Variants in LBHD1 observed in about 807,000 individuals in gnomAD.
LBHD1 encodes the protein LBH domain containing 1.
LBHD1 carries 28 observed loss-of-function variants against 31.1 expected under a neutral mutation model. The ratio of observed to expected loss-of-function variants is 0.90; its 90% CI spans 0.67 to 1.24. LBHD1 has a LOEUF of 1.24. Among genes scored for constraint, LBHD1 ranks in the 50% most tolerant of loss-of-function variants. The pLI, the probability that LBHD1 is intolerant of heterozygous loss-of-function variation, is 0.00. For synonymous variants in LBHD1, 105 were observed against 116.5 expected, an observed-to-expected ratio of 0.90 and a Z score of 0.63; for missense variants, 350 against 323.0, an observed-to-expected ratio of 1.08 and a Z score of -0.64.
In LBHD1 at chr11:62,662,831, C is replaced by T; in HGVS notation, c.*298G>A. On this transcript the variant is annotated 3_prime_UTR_variant, in exon 7 of 7. Coordinates refer to ENST00000354588, the MANE Select transcript of LBHD1 (RefSeq NM_024099.5). The stretch of plus-strand genomic sequence containing the variant: ...TCACACACATCTCAGAGTGCTAGGG[C>T]TTTATTACAAATGGAGTTGACTGCT... 1.8e-6 allele frequency: 1 copy of T among 559,102 alleles called. No homozygotes were observed. The highest frequency in any genetic ancestry group is 3.1e-6 in the Non-Finnish European group (1 of 318,208). 34.6% of individuals were successfully genotyped at this position (559,102 alleles called of 1,614,324 possible). A position where few individuals can be genotyped will look rare whatever the true frequency, so the allele number is the denominator to read the frequency against.
intron 4 of LBHD1, chr11:62,667,085 G>T: frequency 6.5e-7 from 1 of 1,532,912 alleles, no homozygotes; most frequent in Non-Finnish European, 8.8e-7. Flanking sequence ...TAGTATTTCT[G>T]TGGGCAAGGA....
chr11:62,665,062 C>T, intron 4 of LBHD1, 89 bp from the exon 5 acceptor site: 2 of 1,565,498 alleles, frequency 1.3e-6, no homozygotes, highest in Non-Finnish European at 1.7e-6. Flanking sequence ...CTCACTGATC[C>T]CATCTCGTGC....
chr11:62,667,773 A>G (rs140648337), intron 3 of LBHD1, 26 bp from the exon 4 acceptor site: 3 of 1,433,370 alleles, frequency 2.1e-6, no homozygotes, highest in African/African-American at 1.4e-5. Context: ...AGAGGGGACA[A>G]AAATATTACT....
intron 4 of LBHD1, chr11:62,666,858 C>T: frequency 1.2e-6 from 2 of 1,614,170 alleles, no homozygotes; most frequent in Non-Finnish European, 1.7e-6. Flanking sequence ...CTGCCTAGGG[C>T]TTACCAGCTT....
chr11:62,663,259 T>G lies in LBHD1; in HGVS notation c.738A>C (p.Pro246=), dbSNP rs1461146130. The G allele has an allele frequency of 6.2e-7, 1 of 1,614,210 alleles. No individual in the cohort carries two copies. The highest frequency in any genetic ancestry group is 1.1e-5 in the South Asian group (1 of 91,092). Residue 246 remains proline (P), a synonymous_variant, in exon 6 of 7, where the codon CCA becomes CCC. Transcript: ENST00000354588. ...ACCTTCCATGGCTGTCTTCTCTTTCTGGGCAAGCCGGATCTGCTGGAGGAG... is the reference window on the plus strand; with the variant it reads ...ACCTTCCATGGCTGTCTTCTCTTTCGGGGCAAGCCGGATCTGCTGGAGGAG... The part of the protein sequence containing the change: ...QKTPPADPAC[P]EREDSHGSGS...
chr11:62,665,063 C>T, intron 4 of LBHD1, 90 bp from the exon 5 acceptor site: 3 of 1,566,410 alleles, frequency 1.9e-6, no homozygotes, highest in Non-Finnish European at 2.6e-6. Flanking sequence ...TCACTGATCC[C>T]ATCTCGTGCG....
chr11:62,670,092 A>G (rs974625375), intron 1 of LBHD1, 51 bp from the exon 2 acceptor site: 26 of 1,517,834 alleles, frequency 1.7e-5, no homozygotes, highest in Admixed American at 1.7e-4. Flanking sequence ...TGCCCAGTGC[A>G]CCCCACAAAC....
At chr11:62,665,275 C>A (rs1944764687) in intron 4 of LBHD1, 1 of 741,430 alleles carries the variant, frequency 1.3e-6, no homozygotes, top group East Asian at 2.7e-5. Context: ...GGGGCGGGTC[C>A]TCGGGCTATA....
Position 62,667,715 on chromosome 11 carries a change from G to C in LBHD1, c.346C>G (p.Pro116Ala), listed in dbSNP as rs778237158. The C allele has an allele frequency of 3.7e-6, 6 of 1,613,078 alleles. No homozygotes were observed. Among genetic ancestry groups the C allele is most frequent in the Non-Finnish European group, 5.1e-6 (6 of 1,179,098 alleles). ...WAWSPQDPRS[P>A]LRTFNAGLSW... ...AGTCCAGCGTTAAATGTTCTTAAAG[G>C]ACTTCTAGGGTCCTGTGGGCTCCAA... The change falls in exon 4 of 7, where the codon CCT (proline) becomes GCT (alanine). Residue 116 changes from proline (P) to alanine (A), a missense_variant. Transcript: ENST00000354588.
chr11:62,666,207 G>T (rs1376711259), intron 4 of LBHD1: 1 of 724,776 alleles, frequency 1.4e-6, no homozygotes, highest in Admixed American at 2.7e-5. Flanking sequence ...GGGCACGATG[G>T]CGCCTATAGT....
intron 3 of LBHD1, 97 bp downstream of exon 3, chr11:62,669,544 G>A: frequency 3.3e-6 from 5 of 1,522,180 alleles, no homozygotes; most frequent in Non-Finnish European, 4.4e-6. Flanking sequence ...CTGTGTGCCT[G>A]GCACTGCTGA....
intron 5 of LBHD1, among the ~76,000 whole-genome samples, chr11:62,664,062 G>A (rs1944723930): frequency 8.0e-6 from 1 of 125,122 alleles, no homozygotes; most frequent in Non-Finnish European, 1.6e-5. Flanking sequence ...AACAGAGGGA[G>A]ACTCTGTCTC....
At chr11:62,665,923 T>C (rs1317278342) in intron 4 of LBHD1, 1 of 1,612,732 alleles carries the variant, frequency 6.2e-7, no homozygotes, top group East Asian at 2.2e-5. Flanking sequence ...AGCCTGATGA[T>C]GGGGACGTGC....
In LBHD1 at chr11:62,665,119, CCA is replaced by C. The variant is rs369909058; in HGVS notation, c.539-148_539-147del. 2.9e-3 allele frequency: 3,597 copies of C among 1,225,606 alleles called. 14 individuals carry two copies. The highest frequency in any genetic ancestry group is 3.7e-3 in the Non-Finnish European group (3,183 of 862,896). The allele number at this position is 1,225,606 out of a possible 1,614,324, so 75.9% of individuals were successfully genotyped here. A position where few individuals can be genotyped will look rare whatever the true frequency, so the allele number is the denominator to read the frequency against. Reference sequence around the variant, plus strand: ...GCTTGAGGAAACAAAGTCGCGGCCCCCACACAGTCACCGTTCGGGGCCGGTTG... The same window carrying C: ...GCTTGAGGAAACAAAGTCGCGGCCCCCACAGTCACCGTTCGGGGCCGGTTG... On this transcript the variant is annotated intron_variant, in intron 4 of 6. Transcript: ENST00000354588.
At chr11:62,664,299 T>A (rs538988027) in intron 5 of LBHD1, among the ~76,000 whole-genome samples, 1 of 150,344 alleles carries the variant, frequency 6.7e-6, no homozygotes, top group African/African-American at 2.4e-5. Flanking sequence ...ACTTGGAGAA[T>A]GGAGAGCCAA....
At chr11:62,663,187 T>A (rs597259) in intron 6 of LBHD1, 28 bp from the exon 7 acceptor site, 1,143,185 of 1,613,690 alleles carry the variant, frequency 0.71, 407,918 homozygotes, top group East Asian at 0.93. Flanking sequence ...GGAAGTATTA[T>A]CCCAAATAAA....
chr11:62,667,067 C>A, intron 4 of LBHD1: 1 of 1,556,228 alleles, frequency 6.4e-7, no homozygotes, highest in African/African-American at 1.4e-5. Flanking sequence ...TTTTAGTAGT[C>A]CTGACCCTAG....
At position 62,671,650 on chromosome 11, in the gene LBHD1, C is replaced by A; in HGVS notation, c.-97G>T. On this transcript the variant is annotated 5_prime_UTR_variant, in exon 1 of 7. Coordinates refer to ENST00000354588, the MANE Select transcript of LBHD1 (RefSeq NM_024099.5). ...CTTATCTATGGTTTCTGCTATAGGG[C>A]GCTCTAGCCTGCGCCAAGGGGTAGT... The A allele has an allele frequency of 6.4e-7, 1 of 1,550,854 alleles. No homozygotes were observed. The highest frequency in any genetic ancestry group is 1.2e-5 in the South Asian group (1 of 84,736).
At chr11:62,669,112 G>A (rs1368339347) in intron 3 of LBHD1, among the ~76,000 whole-genome samples, 4 of 151,890 alleles carry the variant, frequency 2.6e-5, no homozygotes, top group African/African-American at 7.2e-5. Context: ...AGTAGAGACG[G>A]GGTTTCACCA....
Sources: allele counts gnomAD v4.1 joint callset (sites outside exome capture counted in the v4.1 genomes callset), GRCh38; gene constraint gnomAD v4.1.1; transcripts MANE v1.5; gene names NCBI Gene and HGNC (gene_info 2026-07-23, HGNC 2026-07-21).